The following MBP variants were observed in gnomAD, a reference collection of about 807,000 sequenced individuals.
The protein encoded by MBP is myelin basic protein.
In MBP, 16 loss-of-function variants were observed where a neutral mutation model predicts 35.8. That is an observed-to-expected ratio of 0.45 (90% CI 0.30 to 0.68). The LOEUF (loss-of-function observed/expected upper bound fraction) is 0.68. MBP is among the 30% of genes least tolerant of loss of function. The probability of loss-of-function intolerance (pLI) is 0.08; values close to 1 mark genes in which losing one functional copy is unlikely to be tolerated. For missense variants in MBP, 380 were observed against 404.7 expected (o/e 0.94, Z 0.52); for synonymous variants, 143 against 159.6 (o/e 0.90, Z 0.78).
rs1976009346 is a variant in MBP, at chr18:77,101,546, CTG to C, written c.51+3663_51+3664del. Among the ~76,000 whole-genome samples, 1 of 151,282 alleles carries C rather than the reference CTG, an allele frequency of 6.6e-6. No individual in the cohort carries two copies. Among genetic ancestry groups the C allele is most frequent in the Non-Finnish European group, 1.5e-5 (1 of 67,708 alleles). On this transcript the variant is annotated intron_variant, in intron 2 of 8. Transcript: ENST00000355994. This position sits in a 1 kb window ranked among gnomAD's most constrained non-coding sequence, Gnocchi z 4.3. Reference sequence around the variant, plus strand: ...ATGGGCGGAGTGCTTCTGCCTGAATCTGATGTCTCCTGTTCTGACCCTCAACT... The same window carrying C: ...ATGGGCGGAGTGCTTCTGCCTGAATCATGTCTCCTGTTCTGACCCTCAACT...
intron 3 of MBP, among the ~76,000 whole-genome samples, chr18:77,060,511 T>C (rs1973937680): frequency 7.0e-6 from 1 of 142,628 alleles, no homozygotes; most frequent in Non-Finnish European, 1.5e-5. Flanking sequence ...TGGAGTGCAG[T>C]GGTGTGATCT....
chr18:77,026,880 A>C (rs541865178), intron 3 of MBP, among the ~76,000 whole-genome samples: 1 of 152,064 alleles, frequency 6.6e-6, no homozygotes, highest in East Asian at 1.9e-4. Flanking sequence ...TAAATACATA[A>C]TTTTTTTCTG....
chr18:77,087,956 G>T (rs1194340263), intron 2 of MBP, among the ~76,000 whole-genome samples: 1 of 152,018 alleles, frequency 6.6e-6, no homozygotes, highest in Non-Finnish European at 1.5e-5. Context: ...ATGTCCACGC[G>T]GCGCCTGGAG....
At chr18:77,057,890 G>C (rs1447375760) in intron 3 of MBP, among the ~76,000 whole-genome samples, 1 of 13,234 alleles carries the variant, frequency 7.6e-5, no homozygotes, top group Non-Finnish European at 1.1e-4. Context: ...GCAGTGGTGC[G>C]ATCTCGGCTC....
At chr18:77,018,291 C>T (rs1309295172) in intron 3 of MBP, among the ~76,000 whole-genome samples, 20 of 134,864 alleles carry the variant, frequency 1.5e-4, no homozygotes, top group Non-Finnish European at 1.8e-4. Context: ...CATCCATCCA[C>T]TCATGCATCC....
chr18:77,079,213 A>G (rs9954182), intron 2 of MBP, among the ~76,000 whole-genome samples: 85,569 of 152,076 alleles, frequency 0.56, 24,361 homozygotes, highest in East Asian at 0.74. Context: ...TGAGAAGAGG[A>G]CATCACCCAA....
chr18:77,021,978 G>C (rs993576129), intron 3 of MBP, among the ~76,000 whole-genome samples: 2 of 152,164 alleles, frequency 1.3e-5, no homozygotes, highest in Non-Finnish European at 2.9e-5. Flanking sequence ...AGTTCTGGGG[G>C]TGGTGGCATG....
intron 3 of MBP, among the ~76,000 whole-genome samples, chr18:77,063,293 A>G (rs1974058224): frequency 6.6e-6 from 1 of 152,232 alleles, no homozygotes; most frequent in African/African-American, 2.4e-5. Context: ...TATTAAGGTC[A>G]ATAGCAAAAG....
intron 3 of MBP, among the ~76,000 whole-genome samples, chr18:77,024,690 C>T (rs1188558528): frequency 6.6e-6 from 1 of 152,216 alleles, no homozygotes; most frequent in Non-Finnish European, 1.5e-5. Context: ...CCTGCAGTCG[C>T]CAGGGTGGGG....
Position 77,049,162 on chromosome 18 carries a change from G to A in MBP, c.139+17136C>T, listed in dbSNP as rs984989851. 7.3e-5 allele frequency among the ~76,000 whole-genome samples: 11 copies of A among 150,240 alleles called. No homozygotes were observed. The East Asian group carries it at 2.2e-3, about 30-fold the overall frequency. On this transcript the variant is annotated intron_variant, in intron 3 of 8. Coordinates refer to ENST00000355994, the MANE Select transcript of MBP (RefSeq NM_001025101.2). ...TCTCGATCTCTTGACCTCGTGATCC[G>A]CCCACCTCGGCCTTCCAAAGTGCTG...
intron 3 of MBP, among the ~76,000 whole-genome samples, chr18:77,039,928 G>A (rs1972918948): frequency 6.6e-6 from 1 of 152,330 alleles, no homozygotes; most frequent in East Asian, 1.9e-4. Context: ...AGGGAATGCT[G>A]GTGCGGCCGG....
At chr18:77,126,682 C>G (rs1977061784) in intron 1 of MBP, among the ~76,000 whole-genome samples, 1 of 152,194 alleles carries the variant, frequency 6.6e-6, no homozygotes, top group African/African-American at 2.4e-5. Context: ...TAAGGCAGCT[C>G]AGTAGGTTGC....
In MBP at chr18:77,018,481, A is replaced by G. The variant is rs545220840; in HGVS notation, c.140-1213T>C. 1.9e-3 allele frequency among the ~76,000 whole-genome samples: 263 copies of G among 140,020 alleles called. 2 individuals are homozygous for G. Among genetic ancestry groups the G allele is most frequent in the Middle Eastern group, 8.0e-3 (2 of 250 alleles). The allele number at this position is 140,020 out of a possible 152,430, so 91.9% of individuals were successfully genotyped here. A position where few individuals can be genotyped will look rare whatever the true frequency, so the allele number is the denominator to read the frequency against. The stretch of plus-strand genomic sequence containing the variant: ...ATCCATTCGTCATCCATCCATCCAC[A>G]TATCAGTCCATTTACCCATCCATCC... On this transcript the variant is annotated intron_variant, in intron 3 of 8. Coordinates refer to ENST00000355994, the MANE Select transcript of MBP (RefSeq NM_001025101.2).
rs942629121 is a variant in MBP at position 77,101,375 on chromosome 18, A to G, written c.51+3836T>C. Among the ~76,000 whole-genome samples, 6 of 152,244 alleles carry G rather than the reference A, an allele frequency of 3.9e-5. No individual in the cohort carries two copies. Among genetic ancestry groups the G allele is most frequent in the African/African-American group, 1.2e-4 (5 of 41,468 alleles). ...AAACCAAATTTCCCTGCAACTTAAA[A>G]AACACAGGGAGTCAAAGGCAGAACA... On this transcript the variant is annotated intron_variant, in intron 2 of 8. Transcript: ENST00000355994. This position sits in a 1 kb window ranked among gnomAD's most constrained non-coding sequence, Gnocchi z 4.3.
At chr18:77,064,296 T>G (rs770003377) in intron 3 of MBP, among the ~76,000 whole-genome samples, 4 of 152,238 alleles carry the variant, frequency 2.6e-5, no homozygotes, top group Non-Finnish European at 4.4e-5. Context: ...CTGCTGCTCC[T>G]AGTCATGGAC....
chr18:76,985,939 A>T (rs1969534757), intron 7 of MBP: 1 of 985,874 alleles, frequency 1.0e-6, no homozygotes, highest in Non-Finnish European at 1.2e-6. Flanking sequence ...GTGTGACCGC[A>T]GGGGCTTCCT....
At chr18:77,090,066 T>C (rs1975439688) in intron 2 of MBP, among the ~76,000 whole-genome samples, 1 of 152,200 alleles carries the variant, frequency 6.6e-6, no homozygotes, top group Non-Finnish European at 1.5e-5. Flanking sequence ...CGGCCTTCTG[T>C]GCAGTGTGGC....
At chr18:76,984,578 A>G in intron 8 of MBP, 197 bp downstream of exon 8, 2 of 682,118 alleles carry the variant, frequency 2.9e-6, no homozygotes, top group Non-Finnish European at 4.8e-6. Flanking sequence ...CCGGCTTCAC[A>G]TGCATCTCGG....
In MBP at chr18:77,010,362, G is replaced by A. The variant is rs79715799; in HGVS notation, c.576+6470C>T. 2.6e-4 allele frequency among the ~76,000 whole-genome samples: 39 copies of A among 152,320 alleles called. No homozygotes were observed. In the East Asian group the frequency reaches 5.0e-3, roughly 20 times the overall value. Reference sequence around the variant, plus strand: ...AAGTGCACTAAAAGGGTTTTTTGACGTCTACCATGGAATGGATAAATTTTA... The same window carrying A: ...AAGTGCACTAAAAGGGTTTTTTGACATCTACCATGGAATGGATAAATTTTA... On this transcript the variant is annotated intron_variant, in intron 4 of 8. Coordinates refer to ENST00000355994, the MANE Select transcript of MBP (RefSeq NM_001025101.2).
Sources: allele counts gnomAD v4.1 joint callset (sites outside exome capture counted in the v4.1 genomes callset), GRCh38; gene constraint gnomAD v4.1.1; non-coding constraint Gnocchi (gnomAD v3.1); transcripts MANE v1.5; gene names NCBI Gene and HGNC (gene_info 2026-07-23, HGNC 2026-07-21).